The following CRTC1 variants were observed in gnomAD, a reference collection of about 807,000 sequenced individuals.
CRTC1 encodes the protein CREB regulated transcription coactivator 1.
A neutral mutation model predicts 66.1 loss-of-function variants in CRTC1; 18 were observed. The observed-to-expected ratio is 0.27, with a 90% CI of 0.19 to 0.40. The LOEUF (loss-of-function observed/expected upper bound fraction) is 0.40. Ranked by LOEUF, CRTC1 falls within the 10% of genes least tolerant of loss-of-function variation. The pLI, the probability that CRTC1 is intolerant of heterozygous loss-of-function variation, is 1.00. For missense variants in CRTC1, 669 were observed against 887.9 expected (o/e 0.75, Z 3.13); for synonymous variants, 416 against 398.8 (o/e 1.04, Z -0.51).
intron 11 of CRTC1, 25 bp from the exon 12 acceptor site, chr19:18,774,875 C>T: frequency 6.2e-7 from 1 of 1,608,362 alleles, no homozygotes; most frequent in Non-Finnish European, 8.5e-7. Flanking sequence ...GCCGTGACCA[C>T]AGCAGGCCTC....
intron 1 of CRTC1, among the ~76,000 whole-genome samples, chr19:18,716,108 G>A (rs977253387): frequency 1.1e-4 from 16 of 152,052 alleles, no homozygotes; most frequent in African/African-American, 3.6e-4. Context: ...TGTGCCCCCC[G>A]CTGCCCTGCC....
chr19:18,776,274 C>T (rs917718619), intron 13 of CRTC1, among the ~76,000 whole-genome samples: 5 of 152,232 alleles, frequency 3.3e-5, no homozygotes, highest in South Asian at 4.1e-4. Flanking sequence ...GTGACAACCA[C>T]GCCCAAGCAG....
At chr19:18,747,135 C>A (rs200947830) in intron 4 of CRTC1, 21 bp downstream of exon 4, 21 of 853,540 alleles carry the variant, frequency 2.5e-5, no homozygotes, top group South Asian at 1.7e-4. Context: ...GGACACCCCC[C>A]CCCCGCCCCC....
intron 1 of CRTC1, among the ~76,000 whole-genome samples, chr19:18,713,751 T>C (rs149422048): frequency 6.6e-6 from 1 of 152,336 alleles, no homozygotes; most frequent in Admixed American, 6.5e-5. Context: ...AAGGCCCAAG[T>C]ATATGAAGTG....
At chr19:18,685,545 T>C (rs2052667154) in intron 1 of CRTC1, among the ~76,000 whole-genome samples, 1 of 152,106 alleles carries the variant, frequency 6.6e-6, no homozygotes. Flanking sequence ...TAATCCCAGC[T>C]ACTGGGGAGG....
chr19:18,689,876 T>C (rs1315320092), intron 1 of CRTC1, among the ~76,000 whole-genome samples: 1 of 151,872 alleles, frequency 6.6e-6, no homozygotes, highest in South Asian at 2.1e-4. Context: ...CCGGGTCCTC[T>C]GGTAACTCTC....
chr19:18,709,420 C>G (rs1042624035), intron 1 of CRTC1, among the ~76,000 whole-genome samples: 2 of 152,114 alleles, frequency 1.3e-5, no homozygotes, highest in Admixed American at 6.5e-5. Flanking sequence ...AGGGGACAGG[C>G]CAGGTGGCAG....
intron 1 of CRTC1, among the ~76,000 whole-genome samples, chr19:18,685,869 AGTTTCTGC>A (rs1462231694): frequency 7.2e-5 from 11 of 152,282 alleles, no homozygotes; most frequent in African/African-American, 2.6e-4. Flanking sequence ...TTAGAAGTCC[AGTTTCTGC>A]GTGGGATTGG....
intron 1 of CRTC1, among the ~76,000 whole-genome samples, chr19:18,732,232 G>A (rs973149326): frequency 1.3e-5 from 2 of 152,256 alleles, no homozygotes; most frequent in African/African-American, 4.8e-5. Context: ...ATTTGGAGGT[G>A]GGGCTGTTAG....
chr19:18,728,262 C>T (rs1236440873), intron 1 of CRTC1, among the ~76,000 whole-genome samples: 2 of 152,174 alleles, frequency 1.3e-5, no homozygotes, highest in Non-Finnish European at 2.9e-5. Flanking sequence ...CCATCTCTGC[C>T]TCTCCACCCC....
At chr19:18,698,277 A>C (rs968423226) in intron 1 of CRTC1, among the ~76,000 whole-genome samples, 1 of 151,278 alleles carries the variant, frequency 6.6e-6, no homozygotes, top group African/African-American at 2.4e-5. Context: ...GCAAGTGCTT[A>C]GTAGGTGCAC....
At chr19:18,763,411 A>G (rs2054658361) in intron 8 of CRTC1, among the ~76,000 whole-genome samples, 1 of 152,168 alleles carries the variant, frequency 6.6e-6, no homozygotes, top group South Asian at 2.1e-4. Context: ...GACGGTATTC[A>G]GGACGGTCAC....
chr19:18,727,407 C>T (rs1324551288), intron 1 of CRTC1, among the ~76,000 whole-genome samples: 2 of 151,588 alleles, frequency 1.3e-5, no homozygotes, highest in Admixed American at 6.6e-5. Context: ...CAGTGAAACC[C>T]TATCTCTACT....
intron 13 of CRTC1, 142 bp downstream of exon 13, chr19:18,775,963 A>T: frequency 1.2e-6 from 1 of 864,512 alleles, no homozygotes; most frequent in Non-Finnish European, 1.7e-6. Flanking sequence ...TGAGGAGGCC[A>T]CACCCCCTCT....
rs934259224 is a variant in CRTC1 at position 18,760,998 on chromosome 19, T to C, written c.886+770T>C. On this transcript the variant is annotated intron_variant, in intron 8 of 13. Coordinates refer to ENST00000321949, the MANE Select transcript of CRTC1 (RefSeq NM_015321.3). This position sits in a 1 kb window ranked among gnomAD's most constrained non-coding sequence, Gnocchi z 6.2. ...ACCTCGCACGGCCCCCAGCTCCCTC[T>C]CAGTGAAAGCCTGAGGCCTCCAGGG... Among the ~76,000 whole-genome samples, 2 of 149,444 alleles carry C rather than the reference T, an allele frequency of 1.3e-5. No homozygotes were observed. The highest frequency in any genetic ancestry group is 3.0e-5 in the Non-Finnish European group (2 of 67,598).
At chr19:18,767,458 C>T (rs368795947) in intron 9 of CRTC1, among the ~76,000 whole-genome samples, 6 of 152,164 alleles carry the variant, frequency 3.9e-5, no homozygotes, top group African/African-American at 1.4e-4. Context: ...CTCAGCTTTC[C>T]GAAGTGCTGG....
intron 1 of CRTC1, among the ~76,000 whole-genome samples, chr19:18,729,295 G>A (rs928912495): frequency 2.0e-5 from 3 of 151,206 alleles, no homozygotes; most frequent in Non-Finnish European, 3.0e-5. Context: ...GCGTGGCGGC[G>A]GGCACCTGTA....
At chr19:18,697,061 T>G (rs932400351) in intron 1 of CRTC1, among the ~76,000 whole-genome samples, 1 of 152,014 alleles carries the variant, frequency 6.6e-6, no homozygotes, top group African/African-American at 2.4e-5. Context: ...GTGGGTGCCC[T>G]GTTCTTCTGG....
At chr19:18,735,813 A>G (rs1192299750) in intron 1 of CRTC1, among the ~76,000 whole-genome samples, 1 of 152,184 alleles carries the variant, frequency 6.6e-6, no homozygotes, top group South Asian at 2.1e-4. Flanking sequence ...ACAGTGGCTC[A>G]GGCTGAAGCT....
Sources: gnomAD v4.1 joint callset for allele counts (sites outside exome capture counted in the v4.1 genomes callset) on GRCh38, gnomAD v4.1.1 for gene constraint, Gnocchi (gnomAD v3.1) non-coding constraint, MANE v1.5 for transcripts, NCBI Gene and HGNC (gene_info 2026-07-23, HGNC 2026-07-21) for gene names.